The following SLC24A2 variants were observed in gnomAD, a reference collection of about 807,000 sequenced individuals.
SLC24A2 encodes sodium/potassium/calcium exchanger 2.
SLC24A2 carries 36 observed loss-of-function variants against 62.0 expected under a neutral mutation model. The observed-to-expected ratio is 0.58, with a 90% CI of 0.44 to 0.77. The LOEUF is 0.77. Among genes scored for constraint, SLC24A2 ranks in the 30% least tolerant of loss-of-function variants. The pLI is 0.00. For synonymous variants in SLC24A2, 358 were observed against 294.0 expected (o/e 1.22, Z -2.23); for missense variants, 846 against 817.9 (o/e 1.03, Z -0.42).
the SLC24A2 span, among the ~76,000 whole-genome samples, chr9:19,872,550 A>C: frequency 6.6e-6 from 1 of 152,006 alleles, no homozygotes; most frequent in African/African-American, 2.4e-5. Context: ...ACCTTGTCTC[A>C]TACGGCTCTG....
At chr9:19,888,646 G>T in the SLC24A2 span, among the ~76,000 whole-genome samples, 2 of 152,052 alleles carry the variant, frequency 1.3e-5, no homozygotes, top group African/African-American at 2.4e-5. Context: ...AGAAATTTTG[G>T]TACTGATCTT....
chr9:19,750,076 T>C (rs1022677259), intron 2 of SLC24A2, among the ~76,000 whole-genome samples: 7 of 152,188 alleles, frequency 4.6e-5, no homozygotes, highest in Non-Finnish European at 2.9e-5. Flanking sequence ...AATCAGTTGC[T>C]GGACACTGCC....
chr9:19,549,832 G>C (rs1834757313), intron 8 of SLC24A2, among the ~76,000 whole-genome samples: 1 of 152,168 alleles, frequency 6.6e-6, no homozygotes, highest in Non-Finnish European at 1.5e-5. Context: ...AAGACTAAAA[G>C]GATGGTTGTT....
At chr9:19,919,397 T>C in the SLC24A2 span, among the ~76,000 whole-genome samples, 1 of 152,154 alleles carries the variant, frequency 6.6e-6, no homozygotes, top group African/African-American at 2.4e-5. Flanking sequence ...CTTTTATTGC[T>C]ACAGTCTCTA....
At chr9:19,908,479 A>T in the SLC24A2 span, among the ~76,000 whole-genome samples, 28 of 152,310 alleles carry the variant, frequency 1.8e-4, no homozygotes, top group African/African-American at 6.5e-4. Flanking sequence ...GCCAAAATTG[A>T]CAAATGGGAT....
At chr9:19,720,745 C>G (rs181823318) in intron 2 of SLC24A2, among the ~76,000 whole-genome samples, 233 of 137,020 alleles carry the variant, frequency 1.7e-3, no homozygotes, top group Non-Finnish European at 2.8e-3. Context: ...CAATGTATTT[C>G]TGACTCATCT....
chr9:19,760,712 C>G (rs188884201), intron 2 of SLC24A2, among the ~76,000 whole-genome samples: 65 of 152,114 alleles, frequency 4.3e-4, no homozygotes, highest in African/African-American at 1.5e-3. Context: ...TTTTTTATGG[C>G]TGCATAGTAT....
the SLC24A2 span, among the ~76,000 whole-genome samples, chr9:19,966,220 G>A: frequency 1.3e-5 from 2 of 152,104 alleles, no homozygotes; most frequent in Non-Finnish European, 2.9e-5. Context: ...GGATATTTTT[G>A]TGTATTTAAG....
chr9:19,867,765 G>A, the SLC24A2 span, among the ~76,000 whole-genome samples: 1 of 152,154 alleles, frequency 6.6e-6, no homozygotes, highest in Non-Finnish European at 1.5e-5. Context: ...AAAATTAGCT[G>A]GGCGTGGTGT....
chr9:19,850,927 G>A, the SLC24A2 span, among the ~76,000 whole-genome samples: 1 of 117,600 alleles, frequency 8.5e-6, no homozygotes, highest in African/African-American at 3.2e-5. Context: ...AAGTACTCAT[G>A]TGGGCATATA....
At chr9:19,688,829 A>C (rs574350897) in intron 2 of SLC24A2, among the ~76,000 whole-genome samples, 2 of 152,142 alleles carry the variant, frequency 1.3e-5, no homozygotes, top group African/African-American at 4.8e-5. Context: ...ATGCTCAGAG[A>C]TACCAGAATT....
At chr9:19,799,830 A>G in the SLC24A2 span, among the ~76,000 whole-genome samples, 2 of 152,136 alleles carry the variant, frequency 1.3e-5, no homozygotes, top group Non-Finnish European at 2.9e-5. Flanking sequence ...TAATTGGCAT[A>G]TTCATTTCTT....
chr9:20,274,007 C>T, the SLC24A2 span, among the ~76,000 whole-genome samples: 1 of 152,146 alleles, frequency 6.6e-6, no homozygotes, highest in South Asian at 2.1e-4. Flanking sequence ...AAAGATATGA[C>T]TTTTTCTCCC....
At chr9:20,039,560 T>G in the SLC24A2 span, among the ~76,000 whole-genome samples, 10 of 151,738 alleles carry the variant, frequency 6.6e-5, no homozygotes, top group African/African-American at 2.4e-4. Flanking sequence ...GGGCAGGAGG[T>G]TGGCATTGTG....
chr9:19,764,624 C>T (rs893488532), intron 2 of SLC24A2, among the ~76,000 whole-genome samples: 1 of 152,200 alleles, frequency 6.6e-6, no homozygotes, highest in Non-Finnish European at 1.5e-5. Context: ...GAGTGAGTTT[C>T]TTTATCCTGA....
intron 9 of SLC24A2, among the ~76,000 whole-genome samples, chr9:19,525,430 G>T (rs1440947864): frequency 1.7e-5 from 2 of 115,716 alleles, no homozygotes; most frequent in Non-Finnish European, 1.6e-5. Context: ...AAAAGACAGG[G>T]TCTTACTCTG....
At chr9:20,295,197 C>T in the SLC24A2 span, among the ~76,000 whole-genome samples, 1 of 151,898 alleles carries the variant, frequency 6.6e-6, no homozygotes, top group African/African-American at 2.4e-5. Context: ...ATCTAAAATC[C>T]CTAATCTCTA....
chr9:20,255,637 A>G, the SLC24A2 span, among the ~76,000 whole-genome samples: 1 of 152,116 alleles, frequency 6.6e-6, no homozygotes, highest in African/African-American at 2.4e-5. Flanking sequence ...GGCTGCTTGG[A>G]TTTCCTCACA....
chr9:19,831,129 C>A, the SLC24A2 span, among the ~76,000 whole-genome samples: 1 of 152,198 alleles, frequency 6.6e-6, no homozygotes, highest in Non-Finnish European at 1.5e-5. Flanking sequence ...ATGACTTAAT[C>A]ATCTCCCAGA....
Sources: gnomAD v4.1 joint callset for allele counts (sites outside exome capture counted in the v4.1 genomes callset) on GRCh38, gnomAD v4.1.1 for gene constraint, MANE v1.5 for transcripts, NCBI Gene and HGNC (gene_info 2026-07-23, HGNC 2026-07-21) for gene names.